Variants in CYBRD1 observed in about 807,000 individuals in gnomAD.
CYBRD1 encodes cytochrome b reductase 1, also known as plasma membrane ascorbate-dependent reductase CYBRD1.
A neutral mutation model predicts 21.9 loss-of-function variants in CYBRD1; 14 were observed. The ratio of observed to expected loss-of-function variants is 0.64; its 90% confidence interval spans 0.42 to 1.00. The LOEUF is 1.00. Ranked by LOEUF, CYBRD1 falls within the 50% of genes least tolerant of loss-of-function variation. The pLI is 0.00. For synonymous variants in CYBRD1, 146 were observed against 136.5 expected, an observed-to-expected ratio of 1.07 and a Z score of -0.48; for missense variants, 328 against 352.5, an observed-to-expected ratio of 0.93 and a Z score of 0.56.
chr2:171,530,323 C>T lies in CYBRD1; in HGVS notation c.193+7585C>T, dbSNP rs1329512144. On this transcript the variant is annotated intron_variant, in intron 1 of 3. Coordinates refer to ENST00000321348, the MANE Select transcript of CYBRD1 (RefSeq NM_024843.4). ...ATATAGGCTATAACAGTTATCACTG[C>T]ACTCTGGGAAGCCCAAAGTATTGGC... 2.0e-5 allele frequency among the ~76,000 whole-genome samples: 3 copies of T among 152,214 alleles called. No homozygotes were observed. The East Asian group carries it at 5.8e-4, about 29-fold the overall frequency.
At chr2:171,538,166 G>A (rs941299156) in intron 1 of CYBRD1, among the ~76,000 whole-genome samples, 3 of 152,170 alleles carry the variant, frequency 2.0e-5, no homozygotes, top group Admixed American at 6.5e-5. Context: ...AGGAGGCTGA[G>A]GCAGGAGAAT....
At chr2:171,534,298 C>G (rs1318336810) in intron 1 of CYBRD1, among the ~76,000 whole-genome samples, 1 of 152,194 alleles carries the variant, frequency 6.6e-6, no homozygotes, top group African/African-American at 2.4e-5. Flanking sequence ...ACCATTTCCC[C>G]TTCTTGTGGG....
At chr2:171,541,523 T>C (rs1329939720) in intron 1 of CYBRD1, 62 bp from the exon 2 acceptor site, 6 of 1,518,286 alleles carry the variant, frequency 4.0e-6, no homozygotes, top group Non-Finnish European at 5.5e-6. Context: ...GTCAAACTGT[T>C]CATTTTGTGT....
At chr2:171,549,416 T>C (rs927668747) in intron 2 of CYBRD1, among the ~76,000 whole-genome samples, 4 of 152,236 alleles carry the variant, frequency 2.6e-5, no homozygotes, top group Non-Finnish European at 4.4e-5. Context: ...ACTTTTATTG[T>C]CTATTTCTAA....
In CYBRD1 at chr2:171,554,881, T is replaced by A; in HGVS notation, c.*54T>A. On this transcript the variant is annotated 3_prime_UTR_variant, in exon 4 of 4. Coordinates refer to ENST00000321348, the MANE Select transcript of CYBRD1 (RefSeq NM_024843.4). ...TCACGTTTCAAAACTAGCTCTACAG[T>A]TTTGCTTCTCCTATTAGCCATATGA... 1 of 1,585,542 alleles carries A rather than the reference T, an allele frequency of 6.3e-7. No homozygotes were observed. The highest frequency in any genetic ancestry group is 2.3e-5 in the East Asian group (1 of 44,126).
intron 2 of CYBRD1, among the ~76,000 whole-genome samples, chr2:171,548,057 T>TA (rs1196053955): frequency 6.6e-6 from 1 of 152,172 alleles, no homozygotes; most frequent in African/African-American, 2.4e-5. Flanking sequence ...GAGTGTCTGT[T>TA]ACGTCCCTTA....
intron 2 of CYBRD1, among the ~76,000 whole-genome samples, chr2:171,544,411 G>C (rs190659196): frequency 6.6e-6 from 1 of 151,468 alleles, no homozygotes; most frequent in Non-Finnish European, 1.5e-5. Context: ...GTTTTCTTTT[G>C]GTGACTTGTT....
At chr2:171,522,378 C>A, upstream of CYBRD1, 1 of 1,495,270 alleles carries the variant, frequency 6.7e-7, no homozygotes, top group South Asian at 1.3e-5. The surrounding 1 kb of genome is among the most constrained non-coding windows in gnomAD (Gnocchi z 4.3). Flanking sequence ...GCTCCCCACC[C>A]CCAAGAGGCC....
At chr2:171,549,255 T>C (rs1161877655) in intron 2 of CYBRD1, among the ~76,000 whole-genome samples, 1 of 152,188 alleles carries the variant, frequency 6.6e-6, no homozygotes, top group African/African-American at 2.4e-5. Context: ...GGCTAATTTT[T>C]GTATTTTTAG....
intron 2 of CYBRD1, among the ~76,000 whole-genome samples, chr2:171,547,089 G>C (rs1170414513): frequency 6.6e-6 from 1 of 152,192 alleles, no homozygotes; most frequent in African/African-American, 2.4e-5. Flanking sequence ...TCACTCACAG[G>C]CTTTATTGAG....
chr2:171,529,531 C>CAAAAAAAA (rs57600338), intron 1 of CYBRD1, among the ~76,000 whole-genome samples: 2 of 69,258 alleles, frequency 2.9e-5, no homozygotes, highest in Non-Finnish European at 5.0e-5. Context: ...AACTCTGTCT[C>CAAAAAAAA]AAAAAAAAAA....
chr2:171,544,677 T>G (rs1697683797), intron 2 of CYBRD1, among the ~76,000 whole-genome samples: 1 of 152,228 alleles, frequency 6.6e-6, no homozygotes, highest in Non-Finnish European at 1.5e-5. Flanking sequence ...CACCATTTAT[T>G]GAATCATCTC....
At chr2:171,537,834 G>A (rs1440226709) in intron 1 of CYBRD1, among the ~76,000 whole-genome samples, 1 of 152,176 alleles carries the variant, frequency 6.6e-6, no homozygotes, top group East Asian at 1.9e-4. Flanking sequence ...CTTTCAAGTA[G>A]CTAAAAGAGA....
chr2:171,522,957 A>C lies in CYBRD1; in HGVS notation c.193+219A>C. On this transcript the variant is annotated intron_variant, in intron 1 of 3. Transcript: ENST00000321348. This position sits in a 1 kb window ranked among gnomAD's most constrained non-coding sequence, Gnocchi z 4.3. ...GCTGCGGTTCAGGAGGATCGCCGCG[A>C]GCGCGGGGCCGGGGGTGCGCGGTGG... 2.9e-6 allele frequency: 2 copies of C among 693,714 alleles called. No individual in the cohort carries two copies. The highest frequency in any genetic ancestry group is 4.5e-6 in the Non-Finnish European group (2 of 441,508). The allele number at this position is 693,714 out of a possible 1,614,324, so 43.0% of individuals were successfully genotyped here. A position where few individuals can be genotyped will look rare whatever the true frequency, so the allele number is the denominator to read the frequency against.
rs1303357141 is a variant in CYBRD1 at position 171,557,521 on chromosome 2, G to T, written c.*2694G>T. ...ACTTTTTGAATTACTGTCATCAAAA[G>T]TGTACGGCTTCCTGTGCTGCTTGTG... On this transcript the variant is annotated 3_prime_UTR_variant, in exon 4 of 4. Coordinates refer to ENST00000321348, the MANE Select transcript of CYBRD1 (RefSeq NM_024843.4). The T allele has an allele frequency of 1.3e-5, 2 of 152,216 alleles. No homozygotes were observed. Among genetic ancestry groups the T allele is most frequent in the African/African-American group, 4.8e-5 (2 of 41,466 alleles). The allele number at this position is 152,216 out of a possible 1,614,324, so 9.4% of individuals were successfully genotyped here. A position where few individuals can be genotyped will look rare whatever the true frequency, so the allele number is the denominator to read the frequency against.
intron 1 of CYBRD1, among the ~76,000 whole-genome samples, chr2:171,538,900 C>T (rs543091197): frequency 3.0e-4 from 46 of 152,166 alleles, no homozygotes; most frequent in Non-Finnish European, 6.6e-4. Flanking sequence ...CGAGTTCAAG[C>T]GATTCTCCTG....
chr2:171,534,824 C>T (rs1418344721), intron 1 of CYBRD1, among the ~76,000 whole-genome samples: 1 of 152,138 alleles, frequency 6.6e-6, no homozygotes, highest in Non-Finnish European at 1.5e-5. Flanking sequence ...CATAATAGAT[C>T]CCTAAGTACC....
rs1236339272 is a variant in CYBRD1, at chr2:171,555,673, A to G, written c.*846A>G. On this transcript the variant is annotated 3_prime_UTR_variant, in exon 4 of 4. Transcript: ENST00000321348. The stretch of plus-strand genomic sequence containing the variant: ...TTTTGAAAGTACTCACACAGCACTT[A>G]CTATGCTCCAAACACTCCTCTAAGC... 1 of 152,316 alleles carries G rather than the reference A, an allele frequency of 6.6e-6. No individual in the cohort carries two copies. Among genetic ancestry groups the G allele is most frequent in the African/African-American group, 2.4e-5 (1 of 41,474 alleles). 9.4% of individuals were successfully genotyped at this position (152,316 alleles called of 1,614,324 possible).
At chr2:171,534,847 T>A (rs1574435758) in intron 1 of CYBRD1, among the ~76,000 whole-genome samples, 1 of 152,352 alleles carries the variant, frequency 6.6e-6, no homozygotes, top group East Asian at 1.9e-4. Flanking sequence ...CGACCCAGAT[T>A]TAACAGATGT....
Sources: gnomAD v4.1 joint callset for allele counts (sites outside exome capture counted in the v4.1 genomes callset) on GRCh38, gnomAD v4.1.1 for gene constraint, Gnocchi (gnomAD v3.1) non-coding constraint, MANE v1.5 for transcripts, NCBI Gene and HGNC (gene_info 2026-07-23, HGNC 2026-07-21) for gene names.